The following RBFOX1 variants were observed in gnomAD, a reference collection of about 807,000 sequenced individuals.
RBFOX1 encodes RNA binding fox-1 homolog 1.
RBFOX1 carries 8 observed loss-of-function variants against 57.7 expected under a neutral mutation model. The ratio of observed to expected loss-of-function variants is 0.14; its 90% CI spans 0.08 to 0.25. The LOEUF is 0.25. Ranked by LOEUF, RBFOX1 falls within the 10% of genes least tolerant of loss-of-function variation. The pLI is 1.00. For synonymous variants in RBFOX1, 326 were observed against 222.4 expected, an observed-to-expected ratio of 1.47 and a Z score of -4.15; for missense variants, 611 against 548.5, an observed-to-expected ratio of 1.11 and a Z score of -1.14.
chr16:5,454,887 TTTCTTTCTTTCTTTC>T (rs1461819589), intron 1 of RBFOX1, among the ~76,000 whole-genome samples: 9 of 129,858 alleles, frequency 6.9e-5, no homozygotes, highest in African/African-American at 2.3e-4. Flanking sequence ...TCTTTCTTTC[TTTCTTTCTTTCTTTC>T]TTTCTTTCTT....
At chr16:6,947,566 G>A (rs531970572) in intron 3 of RBFOX1, among the ~76,000 whole-genome samples, 2 of 152,282 alleles carry the variant, frequency 1.3e-5, no homozygotes, top group Admixed American at 6.5e-5. Flanking sequence ...TTGAGTTCCT[G>A]TTGCCCTTCC....
intron 2 of RBFOX1, among the ~76,000 whole-genome samples, chr16:6,445,252 A>G (rs2094461016): frequency 6.6e-6 from 1 of 151,962 alleles, no homozygotes; most frequent in Non-Finnish European, 1.5e-5. Context: ...ATAATTTTTT[A>G]TTATACTTTA....
intron 4 of RBFOX1, among the ~76,000 whole-genome samples, chr16:7,268,413 A>T (rs138766372): frequency 4.8e-4 from 73 of 152,240 alleles, no homozygotes; most frequent in African/African-American, 1.7e-3. Flanking sequence ...TCGATGCCTG[A>T]GTTACTTGCT....
At chr16:5,882,654 C>G (rs1430571368) in intron 4 of RBFOX1, among the ~76,000 whole-genome samples, 2 of 152,162 alleles carry the variant, frequency 1.3e-5, no homozygotes, top group African/African-American at 4.8e-5. Flanking sequence ...AGTAGCCAAG[C>G]TCACGCCCTG....
intron 2 of RBFOX1, among the ~76,000 whole-genome samples, chr16:6,589,111 C>T (rs80078928): frequency 7.5e-6 from 1 of 133,724 alleles, no homozygotes; most frequent in Non-Finnish European, 1.7e-5. Flanking sequence ...TACAAAAAAA[C>T]CCCTAAATAT....
intron 3 of RBFOX1, among the ~76,000 whole-genome samples, chr16:6,990,945 A>C (rs2091321437): frequency 6.6e-6 from 1 of 152,010 alleles, no homozygotes; most frequent in Non-Finnish European, 1.5e-5. Context: ...GAACCACCAC[A>C]TTGTTCATTG....
At chr16:6,739,019 G>A (rs928373633) in intron 3 of RBFOX1, among the ~76,000 whole-genome samples, 5 of 152,094 alleles carry the variant, frequency 3.3e-5, no homozygotes, top group African/African-American at 1.2e-4. Context: ...ACCCCTAAAT[G>A]CTTTCAATTT....
At chr16:7,576,267 G>A in intron 5 of RBFOX1, among the ~76,000 whole-genome samples, 1 of 152,004 alleles carries the variant, frequency 6.6e-6, no homozygotes, top group East Asian at 1.9e-4. Context: ...TAAAGTGAAG[G>A]TCAGAGAAGA....
At chr16:5,299,115 C>G (rs868356206) in intron 1 of RBFOX1, among the ~76,000 whole-genome samples, 2 of 151,224 alleles carry the variant, frequency 1.3e-5, no homozygotes, top group Non-Finnish European at 2.9e-5. Flanking sequence ...AACCACTGTT[C>G]TAACAATTTC....
At chr16:6,802,687 A>G (rs2085769575) in intron 3 of RBFOX1, among the ~76,000 whole-genome samples, 1 of 152,224 alleles carries the variant, frequency 6.6e-6, no homozygotes, top group Admixed American at 6.5e-5. Context: ...TTAAAAACAA[A>G]AAAAGTGCAT....
At chr16:5,970,841 C>T (rs760564571) in intron 4 of RBFOX1, among the ~76,000 whole-genome samples, 9 of 152,182 alleles carry the variant, frequency 5.9e-5, no homozygotes, top group Non-Finnish European at 8.8e-5. Context: ...TTGCAAGATA[C>T]TCATTTTTCA....
intron 3 of RBFOX1, among the ~76,000 whole-genome samples, chr16:7,044,106 G>T (rs6500903): frequency 6.6e-6 from 1 of 151,964 alleles, no homozygotes; most frequent in Non-Finnish European, 1.5e-5. Flanking sequence ...CTTCTTTGCT[G>T]TTGTATTCCT....
intron 1 of RBFOX1, among the ~76,000 whole-genome samples, chr16:6,224,251 T>C (rs2097399424): frequency 1.3e-5 from 2 of 152,088 alleles, no homozygotes; most frequent in Non-Finnish European, 2.9e-5. Context: ...AGAAAGTCAT[T>C]GGTAGCTTGA....
chr16:7,688,572 G>A (rs575352770), intron 14 of RBFOX1, among the ~76,000 whole-genome samples: 1 of 152,128 alleles, frequency 6.6e-6, no homozygotes, highest in African/African-American at 2.4e-5. Flanking sequence ...TCAGCTGTGG[G>A]TAATTTTTCA....
chr16:5,324,983 T>C (rs1018742092), intron 1 of RBFOX1, among the ~76,000 whole-genome samples: 1 of 152,162 alleles, frequency 6.6e-6, no homozygotes, highest in Non-Finnish European at 1.5e-5. Flanking sequence ...CCCAGATCTA[T>C]CAGCAAGATA....
chr16:5,673,242 G>T (rs1321031855), intron 3 of RBFOX1, among the ~76,000 whole-genome samples: 1 of 152,064 alleles, frequency 6.6e-6, no homozygotes, highest in Non-Finnish European at 1.5e-5. Context: ...GGCAAGGACG[G>T]AGCCAGTCAA....
intron 3 of RBFOX1, among the ~76,000 whole-genome samples, chr16:5,707,401 T>G (rs764424693): frequency 6.6e-6 from 1 of 152,186 alleles, no homozygotes; most frequent in Non-Finnish European, 1.5e-5. Flanking sequence ...CTGAAGTGTC[T>G]TGTGCTAGGA....
rs1326352370 is a variant in RBFOX1 at position 6,780,111 on chromosome 16, A to T, written c.-16+125461A>T. On this transcript the variant is annotated intron_variant, in intron 3 of 15. Coordinates refer to ENST00000550418, the MANE Select transcript of RBFOX1 (RefSeq NM_018723.4). ...TATATTTATATATTTTTATATATTT[A>T]TATATATTTATATATATATTTATAT... is the stretch of plus-strand genomic sequence containing the variant. 2.5e-4 allele frequency among the ~76,000 whole-genome samples: 10 copies of T among 40,172 alleles called. 2 individuals carry two copies. The highest frequency in any genetic ancestry group is 6.5e-4 in the African/African-American group (4 of 6,150). The allele number at this position is 40,172 out of a possible 152,430, so 26.4% of individuals were successfully genotyped here.
intron 4 of RBFOX1, among the ~76,000 whole-genome samples, chr16:7,326,066 T>C (rs2096607609): frequency 6.6e-6 from 1 of 152,118 alleles, no homozygotes; most frequent in African/African-American, 2.4e-5. Context: ...CATTCTGTTG[T>C]TTAACCTTGG....
Sources: allele counts gnomAD v4.1 joint callset (sites outside exome capture counted in the v4.1 genomes callset), GRCh38; gene constraint gnomAD v4.1.1; transcripts MANE v1.5; gene names NCBI Gene and HGNC (gene_info 2026-07-23, HGNC 2026-07-21).